CCDC175: variants seen among roughly 807,000 people sequenced by gnomAD.
CCDC175 encodes the protein coiled-coil domain-containing protein 175.
Under a neutral mutation model 114.6 loss-of-function variants are expected in CCDC175, and 100 were observed. That is an observed-to-expected ratio of 0.87 (90% confidence interval 0.74 to 1.03). CCDC175 has a LOEUF of 1.03. Ranked by LOEUF, CCDC175 falls within the 50% of genes least tolerant of loss-of-function variation. The pLI, the probability that CCDC175 is intolerant of heterozygous loss-of-function variation, is 0.00. For missense variants in CCDC175, 880 were observed against 917.8 expected, an observed-to-expected ratio of 0.96 and a Z score of 0.53; for synonymous variants, 306 against 308.7, an observed-to-expected ratio of 0.99 and a Z score of 0.09.
At chr14:59,546,809 T>C (rs1056748483) in intron 8 of CCDC175, among the ~76,000 whole-genome samples, 1 of 151,976 alleles carries the variant, frequency 6.6e-6, no homozygotes. Flanking sequence ...TGCACTCTAG[T>C]CTGGGTGACA....
intron 18 of CCDC175, among the ~76,000 whole-genome samples, chr14:59,511,080 T>C (rs1399819304): frequency 6.6e-6 from 1 of 152,168 alleles, no homozygotes; most frequent in Non-Finnish European, 1.5e-5. Context: ...CATAAAAAGC[T>C]AGTTTCACCC....
intron 15 of CCDC175, among the ~76,000 whole-genome samples, chr14:59,526,404 G>A (rs57162097): frequency 0.012 from 1,807 of 152,024 alleles, 28 homozygotes; most frequent in African/African-American, 0.042. Flanking sequence ...TCAAGAGTTC[G>A]AAACCAGCCT....
chr14:59,543,224 T>C, intron 10 of CCDC175, 120 bp downstream of exon 10: 1 of 461,474 alleles, frequency 2.2e-6, no homozygotes, highest in Non-Finnish European at 3.8e-6. Flanking sequence ...CAGAGAGAGC[T>C]AGTTCTAAAC....
intron 14 of CCDC175, among the ~76,000 whole-genome samples, chr14:59,529,241 C>G (rs570005487): frequency 6.6e-6 from 1 of 152,324 alleles, no homozygotes; most frequent in Admixed American, 6.5e-5. Flanking sequence ...ACACCACTGG[C>G]TGGCAGCATT....
intron 13 of CCDC175, among the ~76,000 whole-genome samples, chr14:59,534,535 G>T (rs968256288): frequency 2.0e-5 from 3 of 152,196 alleles, no homozygotes; most frequent in Non-Finnish European, 4.4e-5. Flanking sequence ...AAAGCTGACA[G>T]CCTCACCAGA....
intron 7 of CCDC175, among the ~76,000 whole-genome samples, chr14:59,558,126 G>A (rs1188564177): frequency 1.3e-5 from 2 of 152,140 alleles, no homozygotes; most frequent in Non-Finnish European, 2.9e-5. Flanking sequence ...TTTTCAGGTG[G>A]AAGAAACGTC....
intron 19 of CCDC175, among the ~76,000 whole-genome samples, chr14:59,510,008 C>T (rs1355155781): frequency 1.3e-5 from 2 of 152,222 alleles, no homozygotes; most frequent in African/African-American, 2.4e-5. Context: ...TCTACCCCCA[C>T]ATCCCATCTT....
intron 7 of CCDC175, among the ~76,000 whole-genome samples, chr14:59,558,134 G>A (rs911926833): frequency 4.6e-5 from 7 of 152,132 alleles, no homozygotes; most frequent in African/African-American, 1.4e-4. Flanking sequence ...TGGAAGAAAC[G>A]TCAGGCGTCA....
chr14:59,575,505 C>CT lies in CCDC175; in HGVS notation c.158-478dup, dbSNP rs58872671. ...TAGGTCTCCTCAGTGGGTAACATTCCTTTTTTTTTTTTTTTTTTTTTTGAG... is the reference window on the plus strand; with the variant it reads ...TAGGTCTCCTCAGTGGGTAACATTCCTTTTTTTTTTTTTTTTTTTTTTTGAG... On this transcript the variant is annotated intron_variant, in intron 1 of 19. Coordinates refer to ENST00000537690, the MANE Select transcript of CCDC175 (RefSeq NM_001164399.2). Among the ~76,000 whole-genome samples, 382 of 98,386 alleles carry CT rather than the reference C, an allele frequency of 3.9e-3. 3 individuals are homozygous for CT. Among genetic ancestry groups the CT allele is most frequent in the Middle Eastern group, 0.011 (2 of 178 alleles). 64.5% of individuals were successfully genotyped at this position (98,386 alleles called of 152,430 possible). A position where few individuals can be genotyped will look rare whatever the true frequency, so the allele number is the denominator to read the frequency against.
At chr14:59,523,665 T>G (rs985131170) in intron 16 of CCDC175, among the ~76,000 whole-genome samples, 1 of 152,118 alleles carries the variant, frequency 6.6e-6, no homozygotes, top group Non-Finnish European at 1.5e-5. Context: ...ATTTTAGAAA[T>G]GGTATTTCTT....
intron 16 of CCDC175, among the ~76,000 whole-genome samples, chr14:59,523,724 T>G (rs532910308): frequency 1.3e-5 from 2 of 152,252 alleles, no homozygotes; most frequent in South Asian, 4.1e-4. Context: ...GCGCGGTGGC[T>G]CAAGCCTGTA....
chr14:59,545,316 G>A lies in CCDC175; in HGVS notation c.1036-17C>T, dbSNP rs1171094617. 3.3e-6 allele frequency: 5 copies of A among 1,534,884 alleles called. No homozygotes were observed. In the East Asian group the frequency reaches 7.3e-5, roughly 23 times the overall value. On this transcript the variant is annotated splice_polypyrimidine_tract_variant and intron_variant, in intron 8 of 19. Coordinates refer to ENST00000537690, the MANE Select transcript of CCDC175 (RefSeq NM_001164399.2). The stretch of plus-strand genomic sequence containing the variant: ...TTCAACCAGCTAGAGAAAAACAAAG[G>A]AGGTGAATGAGAGGACTGGCTTCAC...
chr14:59,527,259 A>G, intron 14 of CCDC175, 85 bp from the exon 15 acceptor site: 1 of 698,862 alleles, frequency 1.4e-6, no homozygotes, highest in Non-Finnish European at 2.2e-6. Flanking sequence ...TAAAAATCAA[A>G]TTATCTCACA....
At chr14:59,520,561 A>G (rs571316930) in intron 17 of CCDC175, among the ~76,000 whole-genome samples, 1 of 152,356 alleles carries the variant, frequency 6.6e-6, no homozygotes, top group East Asian at 1.9e-4. Flanking sequence ...TGTTCACAAT[A>G]GCTTCATTCA....
chr14:59,534,958 G>A (rs374627768), intron 13 of CCDC175, among the ~76,000 whole-genome samples: 5 of 152,110 alleles, frequency 3.3e-5, no homozygotes, highest in East Asian at 3.9e-4. Context: ...CTTTTCCTCC[G>A]TGTGACTTTG....
At chr14:59,535,555 A>G (rs1199870421) in intron 13 of CCDC175, among the ~76,000 whole-genome samples, 1 of 152,176 alleles carries the variant, frequency 6.6e-6, no homozygotes, top group Non-Finnish European at 1.5e-5. Flanking sequence ...ATTTTTGTTC[A>G]AGCTACCTTC....
chr14:59,568,118 A>G (rs985819663), intron 4 of CCDC175, 127 bp downstream of exon 4: 3 of 921,374 alleles, frequency 3.3e-6, no homozygotes, highest in East Asian at 3.1e-5. Flanking sequence ...GCCATCTCCT[A>G]CAAGCCATCT....
intron 13 of CCDC175, among the ~76,000 whole-genome samples, chr14:59,536,459 G>C (rs181702785): frequency 6.6e-6 from 1 of 151,274 alleles, no homozygotes; most frequent in East Asian, 2.0e-4. Flanking sequence ...TCATTCCCCC[G>C]TGCTAGATAG....
intron 5 of CCDC175, 33 bp from the exon 6 acceptor site, chr14:59,563,892 A>G (rs770367990): frequency 2.2e-6 from 3 of 1,340,586 alleles, no homozygotes; most frequent in South Asian, 1.9e-5. Flanking sequence ...CCAATTTAAA[A>G]AGCCTATTAG....
Sources: allele counts gnomAD v4.1 joint callset (sites outside exome capture counted in the v4.1 genomes callset), GRCh38; gene constraint gnomAD v4.1.1; transcripts MANE v1.5; gene names NCBI Gene and HGNC (gene_info 2026-07-23, HGNC 2026-07-21).